ZFHX4: variants seen among roughly 807,000 people sequenced by gnomAD.
ZFHX4 encodes the protein zinc finger homeobox protein 4.
Under a neutral mutation model 267.6 loss-of-function variants are expected in ZFHX4, and 56 were observed. The observed-to-expected ratio is 0.21, with a 90% CI of 0.17 to 0.26. The LOEUF (loss-of-function observed/expected upper bound fraction) is 0.26. Ranked by LOEUF, ZFHX4 falls within the 10% of genes least tolerant of loss-of-function variation. The pLI is 1.00. For missense variants in ZFHX4, 4,332 were observed against 4,420.0 expected (o/e 0.98, Z 0.56); for synonymous variants, 1,778 against 1,665.6 (o/e 1.07, Z -1.64).
intron 3 of ZFHX4, among the ~76,000 whole-genome samples, chr8:76,730,769 T>C (rs1031772305): frequency 6.6e-6 from 1 of 152,160 alleles, no homozygotes; most frequent in Admixed American, 6.6e-5. Context: ...AATTAGCACC[T>C]GGTCCTTGAC....
At chr8:76,779,753 C>T (rs1244875252) in intron 4 of ZFHX4, among the ~76,000 whole-genome samples, 1 of 152,102 alleles carries the variant, frequency 6.6e-6, no homozygotes, top group Non-Finnish European at 1.5e-5. Flanking sequence ...GGGGGTCTGG[C>T]ATGACTGGGC....
At chr8:76,828,092 T>C (rs1331225143) in intron 4 of ZFHX4, among the ~76,000 whole-genome samples, 1 of 152,246 alleles carries the variant, frequency 6.6e-6, no homozygotes, top group Non-Finnish European at 1.5e-5. Flanking sequence ...GAAATCATTT[T>C]GAATTGTGAA....
chr8:76,859,052 G>T (rs996640972), intron 10 of ZFHX4, among the ~76,000 whole-genome samples: 1 of 152,184 alleles, frequency 6.6e-6, no homozygotes, highest in Non-Finnish European at 1.5e-5. Context: ...TAGCTTAATT[G>T]CAGTGTAAAA....
chr8:76,705,831 C>T lies in ZFHX4; in HGVS notation c.1743C>T (p.Asp581=), dbSNP rs534669242. Residue 581 remains aspartate (D), a synonymous_variant, in exon 2 of 11, where the codon GAC becomes GAT. Transcript: ENST00000651372. ...AAHPSEIARG[D]EDSSATPHQH... is the part of the protein sequence containing the mutation. ...ATCCAAGTGAAATAGCCCGGGGAGA[C>T]GAAGACAGTTCAGCCACTCCTCACC... 4 of 1,613,858 alleles carry T rather than the reference C, an allele frequency of 2.5e-6. No individual in the cohort carries two copies. Among genetic ancestry groups the T allele is most frequent in the East Asian group, 2.2e-5 (1 of 44,838 alleles).
chr8:76,854,901 G>C lies in ZFHX4; in HGVS notation c.7980G>C (p.Glu2660Asp). Residue 2660 changes from glutamate (E) to aspartate (D), a missense_variant, in exon 10 of 11, where the codon GAG becomes GAC. Glu to Asp is a conservative substitution (Grantham distance 45, BLOSUM62 2). This residue lies in a region of ZFHX4 where 1,648 missense variants were observed against 1,625.0 expected (regional missense o/e 1.01). Coordinates refer to ENST00000651372, the MANE Select transcript of ZFHX4 (RefSeq NM_024721.5). Reference sequence around the variant, plus strand: ...GGTTCCAGAATACACGAGCGCGGGAGAGGAAAGGCCAGTTCCGGGCGGTGG... The same window carrying C: ...GGTTCCAGAATACACGAGCGCGGGACAGGAAAGGCCAGTTCCGGGCGGTGG... ...QVWFQNTRAR[E>D]RKGQFRAVGP... is the part of the protein sequence containing the mutation. 2 of 1,613,350 alleles carry C rather than the reference G, an allele frequency of 1.2e-6. No individual in the cohort carries two copies. The highest frequency in any genetic ancestry group is 1.7e-6 in the Non-Finnish European group (2 of 1,179,402).
At chr8:76,693,828 G>A (rs1221345854) in intron 1 of ZFHX4, among the ~76,000 whole-genome samples, 2 of 152,190 alleles carry the variant, frequency 1.3e-5, no homozygotes, top group African/African-American at 4.8e-5. Flanking sequence ...GCCAGAAGTT[G>A]CTGGTCATAG....
chr8:76,721,217 T>C (rs551416326), intron 3 of ZFHX4, among the ~76,000 whole-genome samples: 3 of 152,298 alleles, frequency 2.0e-5, no homozygotes, highest in African/African-American at 7.2e-5. Flanking sequence ...ATGTAGGCTT[T>C]AGTTCTTTAT....
At chr8:76,686,675 G>A (rs1315362186) in intron 1 of ZFHX4, among the ~76,000 whole-genome samples, 3 of 152,014 alleles carry the variant, frequency 2.0e-5, no homozygotes, top group Admixed American at 6.6e-5. Context: ...CCCAAGGTTC[G>A]ACAATGTCAA....
chr8:76,862,953 A>T, intron 10 of ZFHX4, 141 bp from the exon 11 acceptor site: 2 of 1,243,068 alleles, frequency 1.6e-6, no homozygotes, highest in East Asian at 2.7e-5. Flanking sequence ...CTAGGTGGTG[A>T]TCATGAATTT....
chr8:76,780,476 C>A (rs931246191), intron 4 of ZFHX4, among the ~76,000 whole-genome samples: 10 of 152,234 alleles, frequency 6.6e-5, no homozygotes, highest in African/African-American at 2.4e-4. Context: ...GTTTTAATAA[C>A]CTATGCCATA....
In ZFHX4 at chr8:76,855,582, C is replaced by T. The variant is rs575924439; in HGVS notation, c.8661C>T (p.Tyr2887=). The T allele has an allele frequency of 4.3e-5, 70 of 1,613,916 alleles. 1 individual carries two copies. In the South Asian group the frequency reaches 6.9e-4, roughly 16 times the overall value. Residue 2887 remains tyrosine, a synonymous_variant, in exon 10 of 11, where the codon TAC becomes TAT. Coordinates refer to ENST00000651372, the MANE Select transcript of ZFHX4 (RefSeq NM_024721.5). ...DKDGDHDQSF[Y]ITDDPDDNAD... ...ATGGCGACCACGACCAAAGCTTTTA[C>T]ATCACAGATGACCCGGATGACAACG...
chr8:76,819,353 C>T (rs1232620437), intron 4 of ZFHX4, among the ~76,000 whole-genome samples: 1 of 151,796 alleles, frequency 6.6e-6, no homozygotes, highest in Non-Finnish European at 1.5e-5. Flanking sequence ...TTATATCTTT[C>T]TAAATAAAAA....
chr8:76,700,801 C>T (rs924945591), intron 1 of ZFHX4, among the ~76,000 whole-genome samples: 2 of 151,996 alleles, frequency 1.3e-5, no homozygotes, highest in Non-Finnish European at 2.9e-5. Context: ...GTTTTCTCTT[C>T]GGGATTTCTT....
At chr8:76,858,119 G>T (rs1586020319) in intron 10 of ZFHX4, among the ~76,000 whole-genome samples, 1 of 152,200 alleles carries the variant, frequency 6.6e-6, no homozygotes, top group African/African-American at 2.4e-5. Context: ...GAAGGCCTTT[G>T]TTCGGACAGT....
chr8:76,808,918 C>G (rs1023958268), intron 4 of ZFHX4, among the ~76,000 whole-genome samples: 4 of 151,832 alleles, frequency 2.6e-5, no homozygotes, highest in South Asian at 2.1e-4. Flanking sequence ...CTGTCTCTCT[C>G]TCTCTCTCTC....
intron 4 of ZFHX4, among the ~76,000 whole-genome samples, chr8:76,827,404 G>GC (rs896606785): frequency 1.2e-4 from 19 of 152,210 alleles, no homozygotes; most frequent in African/African-American, 4.1e-4. Context: ...GCGAGCCACA[G>GC]CCGCAGGGTT....
In ZFHX4 at chr8:76,705,037, T is replaced by C; in HGVS notation, c.949T>C (p.Cys317Arg). The C allele has an allele frequency of 6.2e-7, 1 of 1,613,968 alleles. No individual in the cohort carries two copies. Among genetic ancestry groups the C allele is most frequent in the Non-Finnish European group, 8.5e-7 (1 of 1,179,882 alleles). The change falls in exon 2 of 11, where the codon TGC becomes CGC. Residue 317 changes from cysteine (C) to arginine (R), a missense_variant. By Grantham distance (180) the Cys-to-Arg change is radical. Around this residue, in one of 7 missense-constraint regions of ZFHX4, gnomAD observed 1,195 missense variants for 1,173.6 expected, o/e 1.02. Coordinates refer to ENST00000651372, the MANE Select transcript of ZFHX4 (RefSeq NM_024721.5). ...DEEQKLLSNK[C>R]VSAIIQGIGK... Reference sequence around the variant, plus strand: ...GGAGCAGAAGCTCCTCAGTAATAAATGCGTCTCCGCCATAATACAGGGGAT... The same window carrying C: ...GGAGCAGAAGCTCCTCAGTAATAAACGCGTCTCCGCCATAATACAGGGGAT...
rs538779279 is a variant in ZFHX4 at position 76,759,384 on chromosome 8, G to A, written c.3094-18824G>A. 3.9e-5 allele frequency among the ~76,000 whole-genome samples: 6 copies of A among 152,248 alleles called. No individual in the cohort carries two copies. In the East Asian group the frequency reaches 9.6e-4, roughly 24 times the overall value. ...TAGTTTATTAAGTGTAATTCCTCCC[G>A]GGTGGGATAGGCTGACTCTCAGCTT... On this transcript the variant is annotated intron_variant, in intron 3 of 10. Transcript: ENST00000651372.
intron 4 of ZFHX4, among the ~76,000 whole-genome samples, chr8:76,819,436 C>T (rs1811588644): frequency 6.6e-6 from 1 of 152,062 alleles, no homozygotes; most frequent in Admixed American, 6.6e-5. Context: ...GGGTGTCTTG[C>T]ACCTAGTAAG....
Sources: allele counts gnomAD v4.1 joint callset (sites outside exome capture counted in the v4.1 genomes callset), GRCh38; gene constraint gnomAD v4.1.1; regional missense constraint gnomAD v4.1.1; transcripts MANE v1.5; gene names NCBI Gene and HGNC (gene_info 2026-07-23, HGNC 2026-07-21).